The following AP1S3 variants were observed in gnomAD, a reference collection of about 807,000 sequenced individuals.
AP1S3 encodes the protein adaptor related protein complex 1 subunit sigma 3, also known as AP-1 complex subunit sigma-3.
In AP1S3, 10 loss-of-function variants were observed where a neutral mutation model predicts 20.9. The observed-to-expected ratio is 0.48, with a 90% confidence interval of 0.29 to 0.81. The LOEUF (loss-of-function observed/expected upper bound fraction) is 0.81. AP1S3 is among the 30% of genes least tolerant of loss of function. The pLI, the probability that AP1S3 is intolerant of heterozygous loss-of-function variation, is 0.08. For synonymous variants in AP1S3, 41 were observed against 61.5 expected (o/e 0.67, Z 1.56); for missense variants, 154 against 183.8 (o/e 0.84, Z 0.94).
At chr2:223,807,826 T>C (rs1407509620) in intron 1 of AP1S3, among the ~76,000 whole-genome samples, 1 of 139,210 alleles carries the variant, frequency 7.2e-6, no homozygotes, top group African/African-American at 2.9e-5. Context: ...ATTGAGCCTC[T>C]TTTTTTTTTT....
At chr2:223,783,615 C>T (rs1004711583) in intron 1 of AP1S3, among the ~76,000 whole-genome samples, 2 of 152,188 alleles carry the variant, frequency 1.3e-5, no homozygotes, top group Admixed American at 6.5e-5. Context: ...GGCCGGTGTC[C>T]GCATCTTCCT....
Position 223,761,327 on chromosome 2 carries a change from C to T in AP1S3, c.430-2577G>A, listed in dbSNP as rs536878475. ...TTGGCCTAGCTGTTAACATGGTTTA[C>T]GCTTTTAAGGGTGACAGTGTTAGGG... On this transcript the variant is annotated intron_variant, in intron 4 of 4. Coordinates refer to ENST00000396654, the MANE Select transcript of AP1S3 (RefSeq NM_001039569.2). Among the ~76,000 whole-genome samples the T allele has an allele frequency of 5.3e-5, 8 of 152,306 alleles. No homozygotes were observed. In the South Asian group the frequency reaches 8.3e-4, roughly 16 times the overall value.
Position 223,775,862 on chromosome 2 carries a change from G to T in AP1S3, c.291+39C>A, listed in dbSNP as rs766037718. 13 of 1,470,778 alleles carry T rather than the reference G, an allele frequency of 8.8e-6. 1 individual carries two copies. The highest frequency in any genetic ancestry group is 1.2e-5 in the Non-Finnish European group (13 of 1,054,118). The allele number at this position is 1,470,778 out of a possible 1,614,324, so 91.1% of individuals were successfully genotyped here. ...AGAACTGAAGTAAGAGCTGAGATGG[G>T]GACTGTAGCTAATCCTAACCGACAA... On this transcript the variant is annotated intron_variant, in intron 3 of 4. Transcript: ENST00000396654.
chr2:223,758,297 A>C lies in AP1S3; in HGVS notation c.*418T>G. 5.1e-6 allele frequency: 5 copies of C among 976,500 alleles called. No homozygotes were observed. The highest frequency in any genetic ancestry group is 4.9e-6 in the Non-Finnish European group (4 of 820,956). 60.5% of individuals were successfully genotyped at this position (976,500 alleles called of 1,614,324 possible). ...AATTATTATACAATTTAGAAAACTA[A>C]ACATTTAGAAAAAGTATTAATGACA... On this transcript the variant is annotated 3_prime_UTR_variant, in exon 5 of 5. Transcript: ENST00000396654.
chr2:223,777,570 T>C (rs3795882), intron 2 of AP1S3, 121 bp downstream of exon 2: 47 of 864,170 alleles, frequency 5.4e-5, no homozygotes, highest in Non-Finnish European at 7.8e-5. Flanking sequence ...TACAAATATC[T>C]GGGCCCCAGC....
At chr2:223,801,709 G>A (rs1045745515) in intron 1 of AP1S3, among the ~76,000 whole-genome samples, 2 of 152,144 alleles carry the variant, frequency 1.3e-5, no homozygotes, top group African/African-American at 4.8e-5. Context: ...CTCCCAAAGT[G>A]CTGGGATTAC....
In AP1S3 at chr2:223,756,254, T is replaced by C. The variant is rs976554248; in HGVS notation, c.*2461A>G. ...CGGGAGGCTGAGGCAGGAGAATCGTTTGAACCCAGGAGACGGAGGCTGCAG... is the reference window on the plus strand; with the variant it reads ...CGGGAGGCTGAGGCAGGAGAATCGTCTGAACCCAGGAGACGGAGGCTGCAG... On this transcript the variant is annotated 3_prime_UTR_variant, in exon 5 of 5. Coordinates refer to ENST00000396654, the MANE Select transcript of AP1S3 (RefSeq NM_001039569.2). Among the ~76,000 whole-genome samples, 6 of 151,908 alleles carry C rather than the reference T, an allele frequency of 3.9e-5. No homozygotes were observed. The highest frequency in any genetic ancestry group is 1.2e-4 in the African/African-American group (5 of 41,364).
chr2:223,834,722 A>C (rs773333970), intron 1 of AP1S3, among the ~76,000 whole-genome samples: 32 of 152,068 alleles, frequency 2.1e-4, no homozygotes, highest in Non-Finnish European at 4.4e-4. Flanking sequence ...ACACCACTGC[A>C]CTCAGCTTGG....
intron 1 of AP1S3, among the ~76,000 whole-genome samples, chr2:223,793,010 A>C (rs1429384094): frequency 6.6e-6 from 1 of 152,204 alleles, no homozygotes; most frequent in African/African-American, 2.4e-5. Context: ...AAGCAAATCA[A>C]AACCACAAGA....
intron 3 of AP1S3, among the ~76,000 whole-genome samples, chr2:223,767,762 C>T (rs1471122459): frequency 6.6e-6 from 1 of 152,012 alleles, no homozygotes; most frequent in Non-Finnish European, 1.5e-5. Flanking sequence ...TTCCTTTAGT[C>T]CCTATTTTGC....
rs1559276609 is a variant in AP1S3, at chr2:223,769,807, GAT to G, written c.292-4459_292-4458del. On this transcript the variant is annotated intron_variant, in intron 3 of 4. Transcript: ENST00000396654. ...CGCCCAGGCTGGAGTGCAGTGGCGCGATCTCGGCTCACTGAAGGCTCCGCCCC... is the reference window on the plus strand; with the variant it reads ...CGCCCAGGCTGGAGTGCAGTGGCGCGCTCGGCTCACTGAAGGCTCCGCCCC... Among the ~76,000 whole-genome samples the G allele has an allele frequency of 2.2e-5, 3 of 134,492 alleles. No individual in the cohort carries two copies. In the East Asian group the frequency reaches 6.9e-4, roughly 31 times the overall value. 88.2% of individuals were successfully genotyped at this position (134,492 alleles called of 152,430 possible). A position where few individuals can be genotyped will look rare whatever the true frequency, so the allele number is the denominator to read the frequency against.
In AP1S3 at chr2:223,771,491, C is replaced by T. The variant is rs546445154; in HGVS notation, c.291+4410G>A. On this transcript the variant is annotated intron_variant, in intron 3 of 4. Transcript: ENST00000396654. ...CTTGCTCCCTCACCATGTTAATAAA[C>T]ATGAGCCTCTTTATTTATTTTCTCG... Among the ~76,000 whole-genome samples the T allele has an allele frequency of 6.8e-4, 104 of 152,316 alleles. 1 individual carries two copies. Among genetic ancestry groups the T allele is most frequent in the South Asian group, 5.4e-3 (26 of 4,826 alleles).
intron 1 of AP1S3, among the ~76,000 whole-genome samples, chr2:223,812,597 G>C (rs1013988780): frequency 6.6e-6 from 1 of 152,274 alleles, no homozygotes; most frequent in African/African-American, 2.4e-5. Context: ...TAGAGAAGTG[G>C]CTTTTTTGTT....
At chr2:223,762,648 C>T (rs894120502) in intron 4 of AP1S3, among the ~76,000 whole-genome samples, 1 of 152,182 alleles carries the variant, frequency 6.6e-6, no homozygotes, top group African/African-American at 2.4e-5. Context: ...GTATTCCCAA[C>T]CAAGTAAACA....
intron 1 of AP1S3, among the ~76,000 whole-genome samples, chr2:223,805,726 C>T (rs765379932): frequency 6.6e-5 from 10 of 152,172 alleles, no homozygotes; most frequent in Non-Finnish European, 1.2e-4. Context: ...AAAGGTTGAT[C>T]CTCAAACTGC....
chr2:223,763,613 G>A (rs17182821), intron 4 of AP1S3, among the ~76,000 whole-genome samples: 22,689 of 152,108 alleles, frequency 0.15, 2,063 homozygotes, highest in Non-Finnish European at 0.21. Context: ...CCTCCCTGTG[G>A]CATTTGGAGA....
At chr2:223,774,477 C>T (rs1489941085) in intron 3 of AP1S3, among the ~76,000 whole-genome samples, 1 of 151,944 alleles carries the variant, frequency 6.6e-6, no homozygotes, top group African/African-American at 2.4e-5. Context: ...AAACAACAGG[C>T]TGGGGGGGTT....
Position 223,756,445 on chromosome 2 carries a change from AAGGAAAAG to A in AP1S3, c.*2262_*2269del. 4.8e-6 allele frequency: 4 copies of A among 837,862 alleles called. No homozygotes were observed. In the African/African-American group the frequency reaches 7.4e-5, roughly 16 times the overall value. The allele number at this position is 837,862 out of a possible 1,614,324, so 51.9% of individuals were successfully genotyped here. ...AGAGAGAAGAAGGAAGGAAGAAAGGAAGGAAAAGAAAGAAAGAAAGAAAAGAAAGAAAG... is the reference window on the plus strand; with the variant it reads ...AGAGAGAAGAAGGAAGGAAGAAAGGAAAAGAAAGAAAGAAAAGAAAGAAAG... On this transcript the variant is annotated 3_prime_UTR_variant, in exon 5 of 5. Coordinates refer to ENST00000396654, the MANE Select transcript of AP1S3 (RefSeq NM_001039569.2).
intron 1 of AP1S3, among the ~76,000 whole-genome samples, chr2:223,821,691 T>C (rs1044978563): frequency 6.6e-6 from 1 of 152,136 alleles, no homozygotes; most frequent in South Asian, 2.1e-4. Flanking sequence ...CAGCCAGCTA[T>C]GGACACGAAA....
Sources: allele counts gnomAD v4.1 joint callset (sites outside exome capture counted in the v4.1 genomes callset), GRCh38; gene constraint gnomAD v4.1.1; transcripts MANE v1.5; gene names NCBI Gene and HGNC (gene_info 2026-07-23, HGNC 2026-07-21).